TMEM150B: variants seen among roughly 807,000 people sequenced by gnomAD.
The protein encoded by TMEM150B is modulator of macroautophagy TMEM150B.
A neutral mutation model predicts 25.2 loss-of-function variants in TMEM150B; 33 were observed. The ratio of observed to expected loss-of-function variants is 1.31; its 90% confidence interval spans 0.99 to 1.75. The LOEUF (loss-of-function observed/expected upper bound fraction) is 1.75. TMEM150B is among the 40% of genes most tolerant of loss of function. TMEM150B has a pLI of 0.00. For missense variants in TMEM150B, 322 were observed against 306.1 expected (o/e 1.05, Z -0.39); for synonymous variants, 133 against 134.8 (o/e 0.99, Z 0.09).
In TMEM150B at chr19:55,325,299, G is replaced by A. The variant is rs1348565172; in HGVS notation, c.-181C>T. On this transcript the variant is annotated 5_prime_UTR_variant, in exon 1 of 8. Transcript: ENST00000326652. Reference sequence around the variant, plus strand: ...GCCACGGGTAGGTTGGGTGTCTGGAGCCTGAAGGATCCTTCCAGAAGCTAG... The same window carrying A: ...GCCACGGGTAGGTTGGGTGTCTGGAACCTGAAGGATCCTTCCAGAAGCTAG... 1.0e-6 allele frequency: 1 copy of A among 985,386 alleles called. No homozygotes were observed. The highest frequency in any genetic ancestry group is 1.1e-4 in the East Asian group (1 of 8,812). The allele number at this position is 985,386 out of a possible 1,614,324, so 61.0% of individuals were successfully genotyped here.
At chr19:55,312,163 G>C (rs2088816278), downstream of TMEM150B, 1 of 589,542 alleles carries the variant, frequency 1.7e-6, no homozygotes, top group Non-Finnish European at 2.9e-6. Flanking sequence ...AACATGTCGG[G>C]AGGGGGGTGG....
At position 55,325,334 on chromosome 19, in the gene TMEM150B, C is replaced by T. The variant is rs2089305169; in HGVS notation, c.-216G>A. The T allele has an allele frequency of 1.0e-6, 1 of 985,264 alleles. No individual in the cohort carries two copies. Among genetic ancestry groups the T allele is most frequent in the South Asian group, 4.7e-5 (1 of 21,280 alleles). 61.0% of individuals were successfully genotyped at this position (985,264 alleles called of 1,614,324 possible). On this transcript the variant is annotated 5_prime_UTR_variant, in exon 1 of 8. Coordinates refer to ENST00000326652, the MANE Select transcript of TMEM150B (RefSeq NM_001282011.2). Reference sequence around the variant, plus strand: ...TCCTTCCAGAAGCTAGGGCTGCTGGCCTGGCTCAGCCGAGGGGAAGAGGCT... The same window carrying T: ...TCCTTCCAGAAGCTAGGGCTGCTGGTCTGGCTCAGCCGAGGGGAAGAGGCT...
downstream of TMEM150B, chr19:55,312,605 C>G (rs1203378278): frequency 3.8e-5 from 15 of 390,162 alleles, no homozygotes; most frequent in South Asian, 7.1e-5. Context: ...AGCTGGCTGG[C>G]CTTGGCCTCT....
rs1319445120 is a variant in TMEM150B, at chr19:55,316,704, C to T, written c.505+82G>A. ...AGGCCCAGAGAAAGGAAGAGACATC[C>T]CCAGTGACAGACAGCCAGGCAGGAA... is the stretch of plus-strand genomic sequence containing the variant. On this transcript the variant is annotated intron_variant, in intron 7 of 7. Transcript: ENST00000326652. The T allele has an allele frequency of 5.4e-6, 7 of 1,294,898 alleles. No homozygotes were observed. The African/African-American group carries it at 9.3e-5, about 17-fold the overall frequency. 80.2% of individuals were successfully genotyped at this position (1,294,898 alleles called of 1,614,324 possible). A position where few individuals can be genotyped will look rare whatever the true frequency, so the allele number is the denominator to read the frequency against.
Position 55,315,334 on chromosome 19 carries a change from G to GATA in TMEM150B, c.505+1449_505+1451dup, listed in dbSNP as rs749847012. Among the ~76,000 whole-genome samples, 11 of 148,330 alleles carry GATA rather than the reference G, an allele frequency of 7.4e-5. No individual in the cohort carries two copies. In the East Asian group the frequency reaches 1.6e-3, roughly 22 times the overall value. On this transcript the variant is annotated intron_variant, in intron 7 of 7. Transcript: ENST00000326652. ...CCATCTCAAAAAATAATAATAACAA[G>GATA]ATAATAATAATAATAGGCCGGGCAT...
downstream of TMEM150B, chr19:55,311,932 C>T: frequency 1.2e-6 from 2 of 1,611,686 alleles, no homozygotes; most frequent in Non-Finnish European, 8.5e-7. Flanking sequence ...GGGGCCCAGA[C>T]CCGGCCTGCT....
chr19:55,320,539 T>A lies in TMEM150B; in HGVS notation c.128+19A>T. The A allele has an allele frequency of 6.2e-7, 1 of 1,613,932 alleles. No homozygotes were observed. The highest frequency in any genetic ancestry group is 8.5e-7 in the Non-Finnish European group (1 of 1,179,880). ...TGCAGCGGCGATCCCCCCAAATCCCTACCCTCGGGCAGAATTACCTGATGT... is the reference window on the plus strand; with the variant it reads ...TGCAGCGGCGATCCCCCCAAATCCCAACCCTCGGGCAGAATTACCTGATGT... On this transcript the variant is annotated intron_variant, in intron 4 of 7. Transcript: ENST00000326652.
rs2089239091 is a variant in TMEM150B, at chr19:55,322,721, G to A, written c.-131C>T. The A allele has an allele frequency of 4.3e-5, 42 of 985,304 alleles. No individual in the cohort carries two copies. The highest frequency in any genetic ancestry group is 4.9e-5 in the Non-Finnish European group (41 of 829,992). 61.0% of individuals were successfully genotyped at this position (985,304 alleles called of 1,614,324 possible). On this transcript the variant is annotated 5_prime_UTR_variant, in exon 2 of 8. Transcript: ENST00000326652. ...GCTCAGGGAAGAAGGGCTGGCATTC[G>A]GGGTGGGGCTCAGGCAGACATCCTG...
At chr19:55,311,407 G>A (rs962648358), downstream of TMEM150B, among the ~76,000 whole-genome samples, 5 of 152,200 alleles carry the variant, frequency 3.3e-5, no homozygotes, top group African/African-American at 1.2e-4. Flanking sequence ...GGACCCAGGA[G>A]ACAGTGACCT....
chr19:55,313,503 C>A (rs541011758), intron 7 of TMEM150B, among the ~76,000 whole-genome samples: 21 of 152,164 alleles, frequency 1.4e-4, no homozygotes, highest in Non-Finnish European at 1.3e-4. Context: ...GGCCTACAGG[C>A]CCTTCCTGCT....
chr19:55,320,355 T>G lies in TMEM150B; in HGVS notation c.196+36A>C, dbSNP rs897797. ...GTTTCGGAACTCGCTTGGCTGGGCT[T>G]GGGAGCACTGAACCAAAGGGCTGGG... On this transcript the variant is annotated intron_variant, in intron 5 of 7. Transcript: ENST00000326652. 727,499 of 1,510,958 alleles carry G rather than the reference T, an allele frequency of 0.48. 179,829 individuals carry two copies. The highest frequency in any genetic ancestry group is 0.53 in the African/African-American group (37,681 of 71,646). The allele number at this position is 1,510,958 out of a possible 1,614,324, so 93.6% of individuals were successfully genotyped here.
intron 7 of TMEM150B, among the ~76,000 whole-genome samples, chr19:55,316,196 A>G (rs1355181513): frequency 3.3e-5 from 5 of 152,132 alleles, no homozygotes; most frequent in Non-Finnish European, 7.4e-5. Context: ...ATTTCAAGCT[A>G]CTCACATGAT....
At chr19:55,310,854 A>C (rs1242673756), downstream of TMEM150B, among the ~76,000 whole-genome samples, 1 of 152,156 alleles carries the variant, frequency 6.6e-6, no homozygotes, top group Non-Finnish European at 1.5e-5. The surrounding 1 kb of genome is among the most constrained non-coding windows in gnomAD (Gnocchi z 5.0). Flanking sequence ...TGGAAGATGT[A>C]GGACTAACAG....
chr19:55,311,903 C>T (rs756758510), downstream of TMEM150B: 1 of 1,611,200 alleles, frequency 6.2e-7, no homozygotes, highest in Non-Finnish European at 8.5e-7. Context: ...CCTCTTCCTC[C>T]CTTGCAGACG....
downstream of TMEM150B, among the ~76,000 whole-genome samples, chr19:55,309,630 C>A (rs998389266): frequency 3.9e-5 from 6 of 152,132 alleles, no homozygotes; most frequent in East Asian, 1.2e-3. Context: ...GACACTAATC[C>A]CATTCATGAA....
At chr19:55,321,155 C>T (rs2089197415) in intron 2 of TMEM150B, 62 bp from the exon 3 acceptor site, 3 of 1,465,882 alleles carry the variant, frequency 2.0e-6, no homozygotes, top group Non-Finnish European at 2.7e-6. Flanking sequence ...ACCACTAGGC[C>T]CCGCTTGGCT....
chr19:55,313,113 C>G (rs1010674541), intron 7 of TMEM150B, 58 bp from the exon 8 acceptor site: 1 of 1,519,448 alleles, frequency 6.6e-7, no homozygotes, highest in Non-Finnish European at 8.9e-7. Context: ...CCGGCCTGGT[C>G]TCTGTGCCGC....
downstream of TMEM150B, among the ~76,000 whole-genome samples, chr19:55,310,961 TTTTG>T (rs1454656663): frequency 2.6e-5 from 4 of 151,744 alleles, no homozygotes; most frequent in Admixed American, 6.6e-5. The surrounding 1 kb of genome is among the most constrained non-coding windows in gnomAD (Gnocchi z 5.0). Context: ...GCCCCCCAGT[TTTTG>T]TTTTTGTTTT....
At chr19:55,312,053 G>C (rs113284733), downstream of TMEM150B, 657 of 1,477,312 alleles carry the variant, frequency 4.4e-4, 2 homozygotes, top group African/African-American at 8.4e-3. Flanking sequence ...CCACCAACGG[G>C]ACCCCTCTGC....
Sources: gnomAD v4.1 joint callset for allele counts (sites outside exome capture counted in the v4.1 genomes callset) on GRCh38, gnomAD v4.1.1 for gene constraint, Gnocchi (gnomAD v3.1) non-coding constraint, MANE v1.5 for transcripts, NCBI Gene and HGNC (gene_info 2026-07-23, HGNC 2026-07-21) for gene names.